The following HDAC9 variants were observed in gnomAD, a reference collection of about 807,000 sequenced individuals.
HDAC9 encodes the protein histone deacetylase 9, also known as MEF-2 interacting transcription repressor (MITR) protein.
In HDAC9, 41 loss-of-function variants were observed where a neutral mutation model predicts 139.4. The ratio of observed to expected loss-of-function variants is 0.29; its 90% CI spans 0.23 to 0.38. HDAC9 has a LOEUF of 0.38. Among genes scored for constraint, HDAC9 ranks in the 10% least tolerant of loss-of-function variants. The pLI is 1.00. For missense variants in HDAC9, 1,147 were observed against 1,297.0 expected (o/e 0.88, Z 1.78); for synonymous variants, 517 against 476.2 (o/e 1.09, Z -1.12).
At chr7:18,878,004 C>T (rs1563014673) in intron 22 of HDAC9, among the ~76,000 whole-genome samples, 1 of 152,080 alleles carries the variant, frequency 6.6e-6, no homozygotes, top group East Asian at 1.9e-4. Context: ...TTTAACCTGC[C>T]CTAAACCCAG....
At chr7:18,847,438 T>C (rs2129220870) in intron 21 of HDAC9, among the ~76,000 whole-genome samples, 1 of 152,260 alleles carries the variant, frequency 6.6e-6, no homozygotes, top group South Asian at 2.1e-4. Context: ...GTACAACACC[T>C]CCCAATTAAT....
intron 12 of HDAC9, among the ~76,000 whole-genome samples, chr7:18,680,036 G>C (rs913829772): frequency 2.0e-5 from 3 of 151,954 alleles, no homozygotes; most frequent in African/African-American, 7.2e-5. Context: ...CATAGTTCAT[G>C]TTCTTTGCAT....
chr7:18,145,859 T>A (rs1478324166), intron 1 of HDAC9, among the ~76,000 whole-genome samples: 1 of 152,130 alleles, frequency 6.6e-6, no homozygotes, highest in Non-Finnish European at 1.5e-5. Context: ...CTCTATTGTG[T>A]TACTTTGAGG....
At chr7:18,168,615 C>T (rs973076868) in intron 2 of HDAC9, among the ~76,000 whole-genome samples, 5 of 150,278 alleles carry the variant, frequency 3.3e-5, no homozygotes, top group African/African-American at 1.2e-4. Context: ...GCTTGTGTTG[C>T]AGTACTATAA....
At chr7:18,570,889 A>C (rs10243224) in intron 2 of HDAC9, among the ~76,000 whole-genome samples, 4,612 of 152,330 alleles carry the variant, frequency 0.03, 155 homozygotes, top group African/African-American at 0.089. Flanking sequence ...ACTGGCCAAA[A>C]TTATGCTGTT....
chr7:18,562,967 TA>T (rs1821076736), intron 2 of HDAC9, among the ~76,000 whole-genome samples: 1 of 152,192 alleles, frequency 6.6e-6, no homozygotes, highest in South Asian at 2.1e-4. Context: ...GCACTTTTGT[TA>T]AATTTATGCC....
chr7:18,226,513 G>A (rs893675528), intron 2 of HDAC9, among the ~76,000 whole-genome samples: 3 of 152,122 alleles, frequency 2.0e-5, no homozygotes, highest in African/African-American at 7.2e-5. Context: ...CACGCTAGTA[G>A]TGCTCCTTCC....
rs555161556 is a variant in HDAC9, at chr7:18,711,352, C to G, written c.1732-16228C>G. The stretch of plus-strand genomic sequence containing the variant: ...CAACTCTGGTTCCGGCTGCTGTCAA[C>G]TGAGTTAATGTAAAGTCTCTGGTAG... On this transcript the variant is annotated intron_variant, in intron 12 of 25. Transcript: ENST00000686413. Among the ~76,000 whole-genome samples, 9 of 152,318 alleles carry G rather than the reference C, an allele frequency of 5.9e-5. 1 individual carries two copies. The highest frequency in any genetic ancestry group is 2.2e-4 in the African/African-American group (9 of 41,572).
chr7:18,814,898 ATTAG>A (rs746700325), intron 17 of HDAC9, among the ~76,000 whole-genome samples: 24 of 152,326 alleles, frequency 1.6e-4, no homozygotes, highest in Non-Finnish European at 2.9e-4. Flanking sequence ...GTACATTGCA[ATTAG>A]TTACTCTTTA....
At chr7:18,577,281 G>A (rs1826282089) in intron 2 of HDAC9, among the ~76,000 whole-genome samples, 1 of 152,114 alleles carries the variant, frequency 6.6e-6, no homozygotes, top group Admixed American at 6.5e-5. Flanking sequence ...CATTCCACCT[G>A]TGCCTTGTAG....
In HDAC9 at chr7:18,908,279, A is replaced by G. The variant is rs543865052; in HGVS notation, c.2804-27530A>G. Reference sequence around the variant, plus strand: ...TTGACACATAATTGTACATGGTTATATGGTACAGAGTAATATTTTGATACA... The same window carrying G: ...TTGACACATAATTGTACATGGTTATGTGGTACAGAGTAATATTTTGATACA... On this transcript the variant is annotated intron_variant, in intron 22 of 25. Coordinates refer to ENST00000686413, the MANE Select transcript of HDAC9 (RefSeq NM_178425.4). Among the ~76,000 whole-genome samples, 73 of 152,248 alleles carry G rather than the reference A, an allele frequency of 4.8e-4. No homozygotes were observed. In the South Asian group the frequency reaches 7.9e-3, roughly 16 times the overall value.
intron 2 of HDAC9, among the ~76,000 whole-genome samples, chr7:18,275,037 C>T (rs781554864): frequency 1.3e-5 from 2 of 152,166 alleles, no homozygotes; most frequent in Non-Finnish European, 2.9e-5. Context: ...GAACTTCAGG[C>T]ATGTATATCC....
intron 1 of HDAC9, among the ~76,000 whole-genome samples, chr7:18,299,688 G>C (rs1052260956): frequency 6.6e-6 from 1 of 152,158 alleles, no homozygotes; most frequent in African/African-American, 2.4e-5. Flanking sequence ...AAACAGGTTG[G>C]TGCTGGCTCA....
At chr7:18,905,463 G>T (rs1439580142) in intron 22 of HDAC9, among the ~76,000 whole-genome samples, 1 of 152,190 alleles carries the variant, frequency 6.6e-6, no homozygotes, top group Admixed American at 6.5e-5. Context: ...AGGTGGTGAG[G>T]ATAGTGTGAT....
intron 7 of HDAC9, among the ~76,000 whole-genome samples, chr7:18,634,400 A>C (rs1003518404): frequency 6.6e-6 from 1 of 151,682 alleles, no homozygotes; most frequent in Non-Finnish European, 1.5e-5. Flanking sequence ...ACTTCTCTAG[A>C]AACTGTTGAA....
intron 12 of HDAC9, chr7:18,668,050 G>A (rs950876296): frequency 1.5e-5 from 15 of 979,790 alleles, no homozygotes; most frequent in Non-Finnish European, 1.8e-5. Context: ...GCCAAATGTA[G>A]ACATTGTTCA....
At chr7:18,556,489 G>T (rs1401645054) in intron 2 of HDAC9, among the ~76,000 whole-genome samples, 5 of 151,980 alleles carry the variant, frequency 3.3e-5, no homozygotes, top group African/African-American at 1.2e-4. Flanking sequence ...ATTCTTTTAC[G>T]ATAGCAGTAT....
At chr7:18,940,055 G>A (rs1358125890) in intron 23 of HDAC9, among the ~76,000 whole-genome samples, 2 of 152,044 alleles carry the variant, frequency 1.3e-5, no homozygotes, top group East Asian at 1.9e-4. Context: ...TTTTGGCCAG[G>A]CCATGTCAAT....
intron 23 of HDAC9, among the ~76,000 whole-genome samples, chr7:18,937,328 G>A (rs1487190967): frequency 1.3e-5 from 2 of 152,080 alleles, no homozygotes; most frequent in Non-Finnish European, 2.9e-5. Flanking sequence ...CTGAACCACC[G>A]TGCCTGGCTG....
Sources: gnomAD v4.1 joint callset for allele counts (sites outside exome capture counted in the v4.1 genomes callset) on GRCh38, gnomAD v4.1.1 for gene constraint, MANE v1.5 for transcripts, NCBI Gene and HGNC (gene_info 2026-07-23, HGNC 2026-07-21) for gene names.